The following SCN4A variants were observed in gnomAD, a reference collection of about 807,000 sequenced individuals.
SCN4A encodes sodium channel protein type 4 subunit alpha.
In SCN4A, 83 loss-of-function variants were observed where a neutral mutation model predicts 162.0. That is an observed-to-expected ratio of 0.51 (90% CI 0.43 to 0.61). The LOEUF (loss-of-function observed/expected upper bound fraction) is 0.61, where lower values mean the gene tolerates loss of function less well. Among genes scored for constraint, SCN4A ranks in the 20% least tolerant of loss-of-function variants. The pLI, the probability that SCN4A is intolerant of heterozygous loss-of-function variation, is 0.00. For synonymous variants in SCN4A, 944 were observed against 985.1 expected (o/e 0.96, Z 0.78); for missense variants, 2,196 against 2,462.5 (o/e 0.89, Z 2.29).
At chr17:63,948,182 G>C in intron 16 of SCN4A, 119 bp from the exon 17 acceptor site, 5 of 728,954 alleles carry the variant, frequency 6.9e-6, no homozygotes, top group Non-Finnish European at 1.1e-5. Context: ...CCCAGCCCAA[G>C]GGACAGGCTG....
intron 6 of SCN4A, among the ~76,000 whole-genome samples, chr17:63,967,207 T>C (rs758517): frequency 0.86 from 131,372 of 151,928 alleles, 57,509 homozygotes; most frequent in East Asian, 1. Context: ...GGCTAGAGTG[T>C]AATGGCATGA....
intron 22 of SCN4A, 116 bp from the exon 23 acceptor site, chr17:63,943,212 CAG>C (rs111745569): frequency 0.082 from 27,476 of 334,788 alleles, no homozygotes; most frequent in East Asian, 0.2. Context: ...ACAGAGATGA[CAG>C]AGAGAGAGAG....
At chr17:63,960,170 T>C (rs73992428) in intron 11 of SCN4A, among the ~76,000 whole-genome samples, 11,913 of 152,324 alleles carry the variant, frequency 0.078, 1,142 homozygotes, top group African/African-American at 0.23. Context: ...ACAGCCTGCC[T>C]GGGCACATGC....
In SCN4A at chr17:63,942,948, T is replaced by C; in HGVS notation, c.4166A>G (p.Asn1389Ser). ...TGTGAAGATGATGATGAAGATCATGTTGATGTTGTACAGGATGTCCACCTT... is the reference window on the plus strand; with the variant it reads ...TGTGAAGATGATGATGAAGATCATGCTGATGTTGTACAGGATGTCCACCTT... ...QLKVDILYNI[N>S]MIFIIIFTGE... Residue 1389 changes from asparagine to serine, a missense_variant, in exon 23 of 24, where the codon AAC becomes AGC. By Grantham distance (46) the Asn-to-Ser change is conservative. Coordinates refer to ENST00000435607, the MANE Select transcript of SCN4A (RefSeq NM_000334.4). 1 of 1,614,048 alleles carries C rather than the reference T, an allele frequency of 6.2e-7. No individual in the cohort carries two copies. The highest frequency in any genetic ancestry group is 8.5e-7 in the Non-Finnish European group (1 of 1,179,900).
rs755509972 is a variant in SCN4A at position 63,948,018 on chromosome 17, T to C, written c.3190A>G (p.Ile1064Val). The C allele has an allele frequency of 1.9e-6, 3 of 1,613,258 alleles. No individual in the cohort carries two copies. The highest frequency in any genetic ancestry group is 2.5e-6 in the Non-Finnish European group (3 of 1,179,320). The part of the protein sequence containing the change: ...YIEQRRVIRT[I>V]LEYADKVFTY... ...AAGACCTTGTCGGCATATTCTAGGA[T>C]GGTGCGAATGACTCGCCGCTGCTCA... The change falls in exon 17 of 24, where the codon ATC becomes GTC. Residue 1064 changes from isoleucine to valine, a missense_variant. Ile to Val is a conservative substitution (Grantham distance 29). Transcript: ENST00000435607.
At chr17:63,948,504 G>A in intron 16 of SCN4A, 107 bp downstream of exon 16, 3 of 972,368 alleles carry the variant, frequency 3.1e-6, no homozygotes, top group Non-Finnish European at 3.0e-6. Flanking sequence ...CAGGGTTTGG[G>A]ACTGACCAGA....
chr17:63,961,028 C>CG (rs534101128), intron 11 of SCN4A, among the ~76,000 whole-genome samples, 165 bp downstream of exon 11: 27 of 121,560 alleles, frequency 2.2e-4, no homozygotes, highest in African/African-American at 1.2e-3. Flanking sequence ...CCCCAAGTAC[C>CG]CCCCCCCACA....
chr17:63,942,820 G>A lies in SCN4A; in HGVS notation c.4288+6C>T, dbSNP rs148187651. ...CTGCCCTGCCGGTCCAGCCCGCCCC[G>A]CTCACCCACAATGGACAGGATGACG... is the stretch of plus-strand genomic sequence containing the variant. On this transcript the variant is annotated splice_donor_region_variant and intron_variant, in intron 23 of 23. Transcript: ENST00000435607. 1.4e-4 allele frequency: 232 copies of A among 1,611,946 alleles called. No homozygotes were observed. Among genetic ancestry groups the A allele is most frequent in the Non-Finnish European group, 1.9e-4 (218 of 1,178,284 alleles).
chr17:63,943,821 C>T lies in SCN4A; in HGVS notation c.3942G>A (p.Glu1314=), dbSNP rs1567817368. The T allele has an allele frequency of 1.2e-6, 2 of 1,612,948 alleles. No individual in the cohort carries two copies. The highest frequency in any genetic ancestry group is 1.7e-6 in the Non-Finnish European group (2 of 1,179,086). Residue 1314 remains glutamate (E), a synonymous_variant, in exon 22 of 24, where the codon GAG becomes GAA. Coordinates refer to ENST00000435607, the MANE Select transcript of SCN4A (RefSeq NM_000334.4). ...TGGCGTTATAGTATTTCTTCTGTTC[C>T]TCCGTCATAAAGATGTCTTTCCCCC... is the stretch of plus-strand genomic sequence containing the variant. ...KLGGKDIFMT[E]EQKKYYNAMK... is the part of the protein sequence containing the mutation.
At chr17:63,961,831 G>T (rs112509585) in intron 10 of SCN4A, 16 of 100,400 alleles carry the variant, frequency 1.6e-4, no homozygotes, top group Admixed American at 3.3e-4. Flanking sequence ...TCTAAACCCC[G>T]CCCACAACCC....
chr17:63,945,330 T>C lies in SCN4A; in HGVS notation c.3720+30A>G. The C allele has an allele frequency of 6.3e-7, 1 of 1,589,298 alleles. No individual in the cohort carries two copies. The highest frequency in any genetic ancestry group is 8.6e-7 in the Non-Finnish European group (1 of 1,162,050). On this transcript the variant is annotated intron_variant, in intron 19 of 23. Transcript: ENST00000435607. The surrounding 1 kb of genome is among the most constrained non-coding windows in gnomAD (Gnocchi z 4.4). Reference sequence around the variant, plus strand: ...GGGGTGGGGGGCACCTCCATCCAGGTTCCCGGCAGGGGTGGTGGGTCACAC... The same window carrying C: ...GGGGTGGGGGGCACCTCCATCCAGGCTCCCGGCAGGGGTGGTGGGTCACAC...
Position 63,961,410 on chromosome 17 carries a change from T to A in SCN4A, c.1628A>T (p.Lys543Met). The A allele has an allele frequency of 6.2e-7, 1 of 1,613,310 alleles. No individual in the cohort carries two copies. The change falls in exon 11 of 24, where the codon AAG becomes ATG. Residue 543 changes from lysine to methionine, a missense_variant. Lys to Met is a moderately conservative substitution (Grantham distance 95). Coordinates refer to ENST00000435607, the MANE Select transcript of SCN4A (RefSeq NM_000334.4). ...AMEELEEAHQ[K>M]CPPWWYKCAH... ...GCACTTGTACCACCATGGTGGGCAC[T>A]TTTGGTGGGCCTCTTCCAGTTCTGG...
intron 15 of SCN4A, among the ~76,000 whole-genome samples, chr17:63,949,159 G>T (rs1222389271): frequency 5.3e-5 from 8 of 152,236 alleles, no homozygotes; most frequent in Non-Finnish European, 7.3e-5. Context: ...GAGGATCTCA[G>T]GAGCTGACAC....
Position 63,961,179 on chromosome 17 carries a change from C to CCCCCCCCCCCCA in SCN4A, c.1845+13_1845+14insTGGGGGGGGGGG. The CCCCCCCCCCCCA allele has an allele frequency of 8.3e-7, 1 of 1,208,476 alleles. No individual in the cohort carries two copies. The highest frequency in any genetic ancestry group is 1.2e-6 in the Non-Finnish European group (1 of 825,940). 74.9% of individuals were successfully genotyped at this position (1,208,476 alleles called of 1,614,324 possible). On this transcript the variant is annotated intron_variant, in intron 11 of 23. Transcript: ENST00000435607. Reference sequence around the variant, plus strand: ...TCCTGCCCATGAATGATCCCCTCCCCCGCCCCTCCCTACCAGGTTGCCCAC... The same window carrying CCCCCCCCCCCCA: ...TCCTGCCCATGAATGATCCCCTCCCCCCCCCCCCCCCACGCCCCTCCCTACCAGGTTGCCCAC...
At chr17:63,953,379 A>C (rs1260993894) in intron 13 of SCN4A, among the ~76,000 whole-genome samples, 2 of 151,940 alleles carry the variant, frequency 1.3e-5, no homozygotes, top group South Asian at 2.1e-4. Context: ...CAAAACAAAA[A>C]AACAAAAAAC....
At chr17:63,943,389 G>T (rs2144776922) in intron 22 of SCN4A, among the ~76,000 whole-genome samples, 1 of 151,890 alleles carries the variant, frequency 6.6e-6, no homozygotes, top group East Asian at 1.9e-4. Context: ...CAAAGTCATT[G>T]CTCCTGGGTA....
At position 63,940,807 on chromosome 17, in the gene SCN4A, C is replaced by T. The variant is rs769889855; in HGVS notation, c.5475G>A (p.Gln1825=). The T allele has an allele frequency of 1.9e-6, 3 of 1,595,748 alleles. No homozygotes were observed. Among genetic ancestry groups the T allele is most frequent in the Non-Finnish European group, 2.6e-6 (3 of 1,169,000 alleles). The stretch of plus-strand genomic sequence containing the variant: ...ACTCCTTGACACCTGGGCGCACAGT[C>T]TGCCCTGGGGGAGGGGCGGGAGGCC... ...TAWPPAPPPG[Q]TVRPGVKESL... The change falls in exon 24 of 24, where the codon CAG becomes CAA. Residue 1825 remains glutamine, a synonymous_variant. Transcript: ENST00000435607.
chr17:63,961,656 T>G, intron 10 of SCN4A: 2 of 372,842 alleles, frequency 5.4e-6, no homozygotes, highest in Non-Finnish European at 5.1e-6. Context: ...CCCCGCGCTC[T>G]GAGCGCGGCC....
chr17:63,961,625 C>T, intron 10 of SCN4A, 194 bp from the exon 11 acceptor site: 1 of 575,604 alleles, frequency 1.7e-6, no homozygotes, highest in African/African-American at 1.9e-5. Flanking sequence ...AACCTCCGCC[C>T]CACATGGCTT....
Sources: allele counts gnomAD v4.1 joint callset (sites outside exome capture counted in the v4.1 genomes callset), GRCh38; gene constraint gnomAD v4.1.1; non-coding constraint Gnocchi (gnomAD v3.1); transcripts MANE v1.5; gene names NCBI Gene and HGNC (gene_info 2026-07-23, HGNC 2026-07-21).